Variants in CUX2 observed in about 807,000 individuals in gnomAD.
CUX2 encodes the protein homeobox protein cut-like 2.
In CUX2, 40 loss-of-function variants were observed where a neutral mutation model predicts 144.8. The observed-to-expected ratio is 0.28, with a 90% CI of 0.21 to 0.36. The LOEUF is 0.36. Ranked by LOEUF, CUX2 falls within the 10% of genes least tolerant of loss-of-function variation. CUX2 has a pLI of 1.00. For missense variants in CUX2, 1,615 were observed against 1,994.0 expected, an observed-to-expected ratio of 0.81 and a Z score of 3.62; for synonymous variants, 827 against 875.6, an observed-to-expected ratio of 0.94 and a Z score of 0.98.
intron 1 of CUX2, among the ~76,000 whole-genome samples, chr12:111,126,669 A>G (rs1566239063): frequency 1.3e-5 from 2 of 152,034 alleles, no homozygotes; most frequent in African/African-American, 4.8e-5. Flanking sequence ...TGGTCTTCTG[A>G]CTCAAATGTT....
At chr12:111,319,093 C>A (rs949136919) in intron 16 of CUX2, among the ~76,000 whole-genome samples, 1 of 152,028 alleles carries the variant, frequency 6.6e-6, no homozygotes, top group Admixed American at 6.6e-5. Flanking sequence ...GAGGGCAGAT[C>A]ACTTGAGCCC....
intron 12 of CUX2, 145 bp from the exon 13 acceptor site, chr12:111,308,140 G>A (rs1886691874): frequency 1.1e-6 from 1 of 883,146 alleles, no homozygotes; most frequent in South Asian, 1.5e-5. Flanking sequence ...TCAGGCCTGG[G>A]GTTGCAATGA....
chr12:111,245,499 G>A (rs914383061), intron 3 of CUX2, among the ~76,000 whole-genome samples: 17 of 151,818 alleles, frequency 1.1e-4, no homozygotes, highest in African/African-American at 3.9e-4. Context: ...GCACACCCCT[G>A]TGTTCCCACC....
chr12:111,162,919 G>C (rs537906404), intron 1 of CUX2, among the ~76,000 whole-genome samples: 1 of 152,190 alleles, frequency 6.6e-6, no homozygotes, highest in South Asian at 2.1e-4. Flanking sequence ...GATGGCAGGT[G>C]CCTGTAATCC....
chr12:111,129,330 G>A (rs958193374), intron 1 of CUX2, among the ~76,000 whole-genome samples: 6 of 152,380 alleles, frequency 3.9e-5, no homozygotes, highest in East Asian at 3.9e-4. Context: ...AAATGATGAC[G>A]TAGAGCCAGA....
chr12:111,274,141 G>A (rs1884754413), intron 4 of CUX2, among the ~76,000 whole-genome samples: 1 of 152,080 alleles, frequency 6.6e-6, no homozygotes, highest in Non-Finnish European at 1.5e-5. Flanking sequence ...CATAGGCCAG[G>A]CTGGCCTTGA....
intron 18 of CUX2, among the ~76,000 whole-genome samples, chr12:111,328,619 T>TGTGTGTGTGTGTGTGTGTGTGA (rs757660183): frequency 6.7e-6 from 1 of 148,508 alleles, no homozygotes; most frequent in Non-Finnish European, 1.5e-5. Context: ...TGTGTGTGTG[T>TGTGTGTGTGTGTGTGTGTGTGA]GACAGAGTCT....
At chr12:111,199,178 T>A (rs1173981946) in intron 1 of CUX2, among the ~76,000 whole-genome samples, 1 of 152,106 alleles carries the variant, frequency 6.6e-6, no homozygotes, top group East Asian at 1.9e-4. Flanking sequence ...TGAAGAGACG[T>A]GGCTGGGATT....
chr12:111,056,150 C>T (rs1870513752), intron 1 of CUX2, among the ~76,000 whole-genome samples: 2 of 152,172 alleles, frequency 1.3e-5, no homozygotes, highest in Non-Finnish European at 1.5e-5. Context: ...TTTCTCATGC[C>T]GGCCTCTTGG....
chr12:111,224,686 C>T (rs1312556266), intron 3 of CUX2, among the ~76,000 whole-genome samples: 4 of 151,984 alleles, frequency 2.6e-5, no homozygotes, highest in African/African-American at 7.3e-5. Context: ...ATGTTAGATG[C>T]GTGCAGTTCT....
chr12:111,245,704 C>T (rs1355700370), intron 3 of CUX2, among the ~76,000 whole-genome samples: 2 of 152,082 alleles, frequency 1.3e-5, no homozygotes, highest in Non-Finnish European at 2.9e-5. Flanking sequence ...GTTTTCTCTG[C>T]GTTTTGTGTC....
In CUX2 at chr12:111,320,869, G is replaced by A. The variant is rs1887493387; in HGVS notation, c.2766+94G>A. ...CAAGCAGGCTGGCGGGACCCCAGGG[G>A]CCCAGGCCCTTCATTCCTGAGTCCT... is the stretch of plus-strand genomic sequence containing the variant. On this transcript the variant is annotated intron_variant, in intron 17 of 21. Coordinates refer to ENST00000261726, the MANE Select transcript of CUX2 (RefSeq NM_015267.4). This position sits in a 1 kb window ranked among gnomAD's most constrained non-coding sequence, Gnocchi z 8.1. 1 of 1,314,204 alleles carries A rather than the reference G, an allele frequency of 7.6e-7. No individual in the cohort carries two copies. 81.4% of individuals were successfully genotyped at this position (1,314,204 alleles called of 1,614,324 possible). A position where few individuals can be genotyped will look rare whatever the true frequency, so the allele number is the denominator to read the frequency against.
At chr12:111,136,969 G>A (rs1036483687) in intron 1 of CUX2, among the ~76,000 whole-genome samples, 29 of 150,396 alleles carry the variant, frequency 1.9e-4, no homozygotes, top group South Asian at 8.4e-4. Flanking sequence ...ACAGGGTCTC[G>A]CTCTGTTGCC....
At position 111,307,379 on chromosome 12, in the gene CUX2, T is replaced by C; in HGVS notation, c.1109+122T>C. The C allele has an allele frequency of 1.2e-6, 1 of 853,004 alleles. No individual in the cohort carries two copies. Among genetic ancestry groups the C allele is most frequent in the Non-Finnish European group, 1.8e-6 (1 of 547,484 alleles). The allele number at this position is 853,004 out of a possible 1,614,324, so 52.8% of individuals were successfully genotyped here. On this transcript the variant is annotated intron_variant, in intron 12 of 21. Transcript: ENST00000261726. This position sits in a 1 kb window ranked among gnomAD's most constrained non-coding sequence, Gnocchi z 4.1. ...CATTTGTTCTTCTCTCCACTAACAC[T>C]GTGGATATCAAACCTTAACCATCCT...
At chr12:111,260,928 TCTC>T (rs1161912254) in intron 3 of CUX2, among the ~76,000 whole-genome samples, 1 of 152,176 alleles carries the variant, frequency 6.6e-6, no homozygotes, top group African/African-American at 2.4e-5. Context: ...CTTTGATAAT[TCTC>T]CTTCTAAGAC....
intron 2 of CUX2, among the ~76,000 whole-genome samples, chr12:111,216,191 A>C (rs1164618537): frequency 1.3e-5 from 2 of 152,176 alleles, no homozygotes; most frequent in Non-Finnish European, 2.9e-5. Context: ...CAGATACTTG[A>C]GTGTGGGGTT....
chr12:111,182,018 G>T (rs1879212740), intron 1 of CUX2, among the ~76,000 whole-genome samples: 1 of 152,112 alleles, frequency 6.6e-6, no homozygotes, highest in South Asian at 2.1e-4. Flanking sequence ...CACCTAATCT[G>T]GGAGGAGGGG....
rs564902235 is a variant in CUX2, at chr12:111,211,148, G to A, written c.64-3052G>A. Among the ~76,000 whole-genome samples, 3 of 152,252 alleles carry A rather than the reference G, an allele frequency of 2.0e-5. No homozygotes were observed. The East Asian group carries it at 5.8e-4, about 29-fold the overall frequency. ...ATGAGTATTTACTATTATTATTATTGGTGTTAGTGTGTTTACCAGTGAACT... is the reference window on the plus strand; with the variant it reads ...ATGAGTATTTACTATTATTATTATTAGTGTTAGTGTGTTTACCAGTGAACT... On this transcript the variant is annotated intron_variant, in intron 1 of 21. Coordinates refer to ENST00000261726, the MANE Select transcript of CUX2 (RefSeq NM_015267.4).
intron 1 of CUX2, among the ~76,000 whole-genome samples, chr12:111,149,670 A>C (rs984730154): frequency 1.5e-4 from 23 of 152,146 alleles, no homozygotes; most frequent in African/African-American, 5.6e-4. Context: ...AGCCACACCA[A>C]TCCATAGAAA....
Sources: allele counts gnomAD v4.1 joint callset (sites outside exome capture counted in the v4.1 genomes callset), GRCh38; gene constraint gnomAD v4.1.1; non-coding constraint Gnocchi (gnomAD v3.1); transcripts MANE v1.5; gene names NCBI Gene and HGNC (gene_info 2026-07-23, HGNC 2026-07-21).